The following PAK5 variants were observed in gnomAD, a reference collection of about 807,000 sequenced individuals.
PAK5 encodes serine/threonine-protein kinase PAK 5.
PAK5 carries 16 observed loss-of-function variants against 65.9 expected under a neutral mutation model. The observed-to-expected ratio is 0.24, with a 90% CI of 0.16 to 0.37. The LOEUF is 0.37. PAK5 is among the 10% of genes least tolerant of loss of function. The probability of loss-of-function intolerance (pLI) is 1.00; values close to 1 mark genes in which losing one functional copy is unlikely to be tolerated. For synonymous variants in PAK5, 371 were observed against 354.9 expected, an observed-to-expected ratio of 1.05 and a Z score of -0.51; for missense variants, 785 against 903.9, an observed-to-expected ratio of 0.87 and a Z score of 1.69.
intron 4 of PAK5, among the ~76,000 whole-genome samples, chr20:9,573,373 A>C (rs746825383): frequency 3.9e-5 from 6 of 152,200 alleles, no homozygotes; most frequent in Non-Finnish European, 8.8e-5. Flanking sequence ...ATTATAAATA[A>C]TTATAGCTAT....
At chr20:9,613,127 TA>T (rs1443965644) in intron 3 of PAK5, among the ~76,000 whole-genome samples, 1 of 152,338 alleles carries the variant, frequency 6.6e-6, no homozygotes, top group African/African-American at 2.4e-5. Context: ...TGTATTCCAA[TA>T]AAACTTTATT....
intron 3 of PAK5, among the ~76,000 whole-genome samples, chr20:9,593,290 T>C (rs1729754983): frequency 6.6e-6 from 1 of 151,632 alleles, no homozygotes; most frequent in African/African-American, 2.4e-5. Flanking sequence ...AGCAACAGAG[T>C]GAGACCCTGT....
chr20:9,631,019 C>A (rs1449741288), intron 3 of PAK5, among the ~76,000 whole-genome samples: 1 of 152,130 alleles, frequency 6.6e-6, no homozygotes, highest in Non-Finnish European at 1.5e-5. Context: ...TAGATTACTC[C>A]CAAGCACTCC....
Position 9,566,311 on chromosome 20 carries a change from G to A in PAK5, c.1064C>T (p.Ala355Val), listed in dbSNP as rs771448843. Residue 355 changes from alanine (A) to valine (V), a missense_variant, in exon 5 of 10, where the codon GCC becomes GTC. Ala to Val is a moderately conservative substitution (Grantham distance 64). Coordinates refer to ENST00000353224, the MANE Select transcript of PAK5 (RefSeq NM_177990.4). ...TTTGCTTTGACTTTGAGGTAGTTTG[G>A]CAGGGCCCCTGGGGTAGGTGTCAGA... is the stretch of plus-strand genomic sequence containing the variant. ...SGSDTYPRGP[A>V]KLPQSQSKSG... is the part of the protein sequence containing the mutation. 13 of 1,613,648 alleles carry A rather than the reference G, an allele frequency of 8.1e-6. No homozygotes were observed. Among genetic ancestry groups the A allele is most frequent in the Non-Finnish European group, 7.6e-6 (9 of 1,179,962 alleles).
intron 1 of PAK5, among the ~76,000 whole-genome samples, chr20:9,799,939 C>CAAAAAAAAAAAAAAAAAAAAAA (rs71331383): frequency 2.3e-5 from 1 of 43,668 alleles, no homozygotes; most frequent in East Asian, 7.0e-4. Flanking sequence ...ACTCTGTCTC[C>CAAAAAAAAAAAAAAAAAAAAAA]AAAAAAAAAA....
At chr20:9,795,268 A>C (rs1189448888) in intron 1 of PAK5, among the ~76,000 whole-genome samples, 1 of 152,120 alleles carries the variant, frequency 6.6e-6, no homozygotes, top group Non-Finnish European at 1.5e-5. Flanking sequence ...TATTTTAATA[A>C]TTGCATCTAT....
At chr20:9,591,332 A>C (rs891735386) in intron 3 of PAK5, among the ~76,000 whole-genome samples, 4 of 152,088 alleles carry the variant, frequency 2.6e-5, no homozygotes, top group African/African-American at 9.7e-5. Context: ...AGCACCCTCA[A>C]CTTCAACTCT....
chr20:9,681,867 T>C (rs1225006969), intron 2 of PAK5, among the ~76,000 whole-genome samples: 1 of 152,220 alleles, frequency 6.6e-6, no homozygotes, highest in Admixed American at 6.5e-5. Context: ...AAAAATACCC[T>C]GTTTTTGTTA....
intron 2 of PAK5, among the ~76,000 whole-genome samples, chr20:9,692,022 G>T (rs1003025901): frequency 6.6e-6 from 1 of 152,092 alleles, no homozygotes; most frequent in South Asian, 2.1e-4. Flanking sequence ...CATGTGCAAA[G>T]AAATCACTCA....
chr20:9,646,121 T>C (rs999878750), intron 2 of PAK5, among the ~76,000 whole-genome samples: 22 of 152,228 alleles, frequency 1.4e-4, no homozygotes, highest in African/African-American at 2.2e-4. Flanking sequence ...GTAAATAGCA[T>C]GTGCGGTTGG....
chr20:9,649,810 C>A (rs557880795), intron 2 of PAK5, among the ~76,000 whole-genome samples: 1 of 152,264 alleles, frequency 6.6e-6, no homozygotes, highest in African/African-American at 2.4e-5. Context: ...GTGTCAGACA[C>A]TGCTCTATAT....
intron 1 of PAK5, among the ~76,000 whole-genome samples, chr20:9,748,299 C>T (rs1320742008): frequency 6.6e-6 from 1 of 152,154 alleles, no homozygotes; most frequent in African/African-American, 2.4e-5. Flanking sequence ...CCCCATCAAG[C>T]TACCAATGAC....
chr20:9,544,846 G>A (rs1758122303), intron 7 of PAK5, among the ~76,000 whole-genome samples: 1 of 152,204 alleles, frequency 6.6e-6, no homozygotes, highest in African/African-American at 2.4e-5. Flanking sequence ...TGTAACAGGT[G>A]ATGCTTTCAT....
At chr20:9,672,043 T>C (rs2047506155) in intron 2 of PAK5, among the ~76,000 whole-genome samples, 1 of 151,684 alleles carries the variant, frequency 6.6e-6, no homozygotes, top group Non-Finnish European at 1.5e-5. Flanking sequence ...AATGAACAAA[T>C]GAAAGAAAGA....
At chr20:9,717,084 C>CAAAAAAAA (rs58508007) in intron 1 of PAK5, among the ~76,000 whole-genome samples, 118 of 122,510 alleles carry the variant, frequency 9.6e-4, no homozygotes, top group African/African-American at 3.3e-3. Flanking sequence ...GAACTTATCT[C>CAAAAAAAA]AAAAAAAAAA....
intron 4 of PAK5, among the ~76,000 whole-genome samples, chr20:9,572,789 A>C (rs1024482697): frequency 1.3e-5 from 2 of 152,240 alleles, no homozygotes; most frequent in Non-Finnish European, 2.9e-5. Flanking sequence ...AAGAGAAAAA[A>C]CAACAAAGGC....
At chr20:9,815,294 T>A (rs1280415816) in intron 1 of PAK5, among the ~76,000 whole-genome samples, 1 of 152,188 alleles carries the variant, frequency 6.6e-6, no homozygotes, top group Non-Finnish European at 1.5e-5. Context: ...AAATCTGGTT[T>A]AATATCTGCA....
intron 1 of PAK5, among the ~76,000 whole-genome samples, chr20:9,798,987 G>A (rs1323123957): frequency 6.6e-6 from 1 of 152,038 alleles, no homozygotes. Context: ...ATAAATCTAG[G>A]GAGAGCTTTG....
At chr20:9,748,371 C>T (rs1424599661) in intron 1 of PAK5, among the ~76,000 whole-genome samples, 1 of 152,118 alleles carries the variant, frequency 6.6e-6, no homozygotes, top group Admixed American at 6.5e-5. Context: ...AAAGAGCATG[C>T]ATCGCCAAGT....
Sources: allele counts gnomAD v4.1 joint callset (sites outside exome capture counted in the v4.1 genomes callset), GRCh38; gene constraint gnomAD v4.1.1; transcripts MANE v1.5; gene names NCBI Gene and HGNC (gene_info 2026-07-23, HGNC 2026-07-21).